Variants in XPR1 observed in about 807,000 individuals in gnomAD.
XPR1 encodes xenotropic and polytropic retrovirus receptor 1, also known as solute carrier family 53 member 1.
XPR1 carries 28 observed loss-of-function variants against 87.5 expected under a neutral mutation model. The ratio of observed to expected loss-of-function variants is 0.32; its 90% confidence interval spans 0.24 to 0.44. XPR1 has a LOEUF of 0.44. Among genes scored for constraint, XPR1 ranks in the 20% least tolerant of loss-of-function variants. The pLI is 1.00. For synonymous variants in XPR1, 300 were observed against 306.1 expected (o/e 0.98, Z 0.21); for missense variants, 559 against 862.3 (o/e 0.65, Z 4.41).
chr1:180,814,547 A>T (rs1202723843), intron 7 of XPR1, among the ~76,000 whole-genome samples: 1 of 152,186 alleles, frequency 6.6e-6, no homozygotes, highest in Non-Finnish European at 1.5e-5. Flanking sequence ...AAATGAGCTT[A>T]ACACCTTAAA....
intron 1 of XPR1, among the ~76,000 whole-genome samples, chr1:180,681,666 T>C (rs1409751940): frequency 6.6e-6 from 1 of 152,118 alleles, no homozygotes; most frequent in Non-Finnish European, 1.5e-5. Context: ...AAAATTTCTT[T>C]TTAAAATTTA....
chr1:180,881,747 AACTTT>A (rs1652859424), intron 14 of XPR1, among the ~76,000 whole-genome samples: 1 of 152,346 alleles, frequency 6.6e-6, no homozygotes, highest in East Asian at 1.9e-4. Context: ...GAACCTGCTG[AACTTT>A]AAATAGAGAT....
At chr1:180,657,252 C>A (rs915991291) in intron 1 of XPR1, among the ~76,000 whole-genome samples, 1 of 151,990 alleles carries the variant, frequency 6.6e-6, no homozygotes, top group Non-Finnish European at 1.5e-5. Context: ...GATGTCTCTT[C>A]ATTTTGTTGA....
intron 11 of XPR1, among the ~76,000 whole-genome samples, chr1:180,858,863 C>T (rs893231007): frequency 9.2e-5 from 14 of 152,152 alleles, no homozygotes; most frequent in African/African-American, 3.1e-4. Context: ...CACTAAAGAT[C>T]GGGGAATATC....
At position 180,827,709 on chromosome 1, in the gene XPR1, A is replaced by G. The variant is rs532746219; in HGVS notation, c.1134+2365A>G. 3.3e-5 allele frequency among the ~76,000 whole-genome samples: 5 copies of G among 152,276 alleles called. No individual in the cohort carries two copies. In the South Asian group the frequency reaches 1.0e-3, roughly 32 times the overall value. ...GTTATCATTTGTAGATAATTTTAGT[A>G]TTAATTGACCTGCTGACTTATTTTA... is the stretch of plus-strand genomic sequence containing the variant. On this transcript the variant is annotated intron_variant, in intron 9 of 14. Coordinates refer to ENST00000367590, the MANE Select transcript of XPR1 (RefSeq NM_004736.4).
intron 2 of XPR1, among the ~76,000 whole-genome samples, chr1:180,749,714 A>G (rs965332062): frequency 6.6e-6 from 1 of 151,220 alleles, no homozygotes; most frequent in Non-Finnish European, 1.5e-5. Flanking sequence ...GCATACTACT[A>G]CATCTAGCAC....
intron 2 of XPR1, among the ~76,000 whole-genome samples, chr1:180,703,397 A>G (rs1025871139): frequency 8.5e-5 from 13 of 152,154 alleles, no homozygotes; most frequent in African/African-American, 3.1e-4. Flanking sequence ...GCCTCTGGAT[A>G]ACGCATGCGG....
intron 13 of XPR1, among the ~76,000 whole-genome samples, chr1:180,878,747 C>T (rs189777472): frequency 6.6e-6 from 1 of 152,294 alleles, no homozygotes; most frequent in East Asian, 1.9e-4. Flanking sequence ...ATTTACCTTA[C>T]TTTACTTCCC....
At chr1:180,883,953 GT>G in intron 14 of XPR1, 52 bp from the exon 15 acceptor site, 1 of 1,517,708 alleles carries the variant, frequency 6.6e-7, no homozygotes, top group Non-Finnish European at 9.1e-7. Context: ...CTGTGAAAGT[GT>G]TTATATTTGG....
chr1:180,879,238 T>C (rs1415266619), intron 13 of XPR1, among the ~76,000 whole-genome samples: 2 of 152,240 alleles, frequency 1.3e-5, no homozygotes, highest in Non-Finnish European at 2.9e-5. Flanking sequence ...ATCTCTTTTC[T>C]GGACTGCTGC....
intron 2 of XPR1, among the ~76,000 whole-genome samples, chr1:180,779,175 G>C (rs1648841957): frequency 6.6e-6 from 1 of 151,772 alleles, no homozygotes; most frequent in Non-Finnish European, 1.5e-5. Context: ...TTCTTACTCT[G>C]CCAGAAAGGA....
intron 7 of XPR1, among the ~76,000 whole-genome samples, chr1:180,816,313 C>T (rs1434591054): frequency 6.6e-6 from 1 of 152,192 alleles, no homozygotes; most frequent in Non-Finnish European, 1.5e-5. Context: ...GTTCGTTCTC[C>T]TCTGAGAATC....
At chr1:180,829,110 C>T (rs780226535) in intron 9 of XPR1, among the ~76,000 whole-genome samples, 23 of 152,054 alleles carry the variant, frequency 1.5e-4, no homozygotes, top group Admixed American at 7.9e-4. Flanking sequence ...GGAGGAGGAT[C>T]GCTTGAGTCC....
chr1:180,811,232 A>G (rs1650200331), intron 6 of XPR1, among the ~76,000 whole-genome samples, 175 bp from the exon 7 acceptor site: 1 of 152,278 alleles, frequency 6.6e-6, no homozygotes, highest in African/African-American at 2.4e-5. Flanking sequence ...GGCAACTTGA[A>G]TAGTATTATA....
At chr1:180,684,505 T>G (rs1257229722) in intron 2 of XPR1, among the ~76,000 whole-genome samples, 7 of 136,504 alleles carry the variant, frequency 5.1e-5, no homozygotes, top group Admixed American at 2.8e-4. Flanking sequence ...TTTAAAGTAG[T>G]TTTTTCCAAT....
rs1652970860 is a variant in XPR1 at position 180,885,069 on chromosome 1, T to TA, written c.*1004dup. On this transcript the variant is annotated 3_prime_UTR_variant, in exon 15 of 15. Transcript: ENST00000367590. The stretch of plus-strand genomic sequence containing the variant: ...CTTAACAGCTGAAGCTATGCCTTAT[T>TA]ATGCATCCACATGTATGGTCCCTGT... The TA allele has an allele frequency of 6.6e-6, 1 of 152,628 alleles. No homozygotes were observed. Among genetic ancestry groups the TA allele is most frequent in the South Asian group, 2.1e-4 (1 of 4,836 alleles). 9.5% of individuals were successfully genotyped at this position (152,628 alleles called of 1,614,324 possible). A position where few individuals can be genotyped will look rare whatever the true frequency, so the allele number is the denominator to read the frequency against.
chr1:180,675,411 C>A (rs976925058), intron 1 of XPR1, among the ~76,000 whole-genome samples: 2 of 152,244 alleles, frequency 1.3e-5, no homozygotes, highest in East Asian at 3.9e-4. Flanking sequence ...GATATTTAAC[C>A]TTTTATCTGT....
chr1:180,678,722 A>T (rs760493558), intron 1 of XPR1, among the ~76,000 whole-genome samples: 1 of 152,318 alleles, frequency 6.6e-6, no homozygotes, highest in Admixed American at 6.5e-5. Flanking sequence ...TTTTTACTGT[A>T]TATTATTAGG....
rs1655307119 is a variant in XPR1 at position 180,651,981 on chromosome 1, G to A, written c.69+19711G>A. Among the ~76,000 whole-genome samples the A allele has an allele frequency of 3.3e-5, 5 of 152,142 alleles. No homozygotes were observed. The South Asian group carries it at 1.0e-3, about 32-fold the overall frequency. On this transcript the variant is annotated intron_variant, in intron 1 of 14. Transcript: ENST00000367590. ...CAAACATGTTTTGAACTGTACTGGA[G>A]CCTGTGGCCTATAAAAGTTGAAGTG...
Sources: allele counts gnomAD v4.1 joint callset (sites outside exome capture counted in the v4.1 genomes callset), GRCh38; gene constraint gnomAD v4.1.1; transcripts MANE v1.5; gene names NCBI Gene and HGNC (gene_info 2026-07-23, HGNC 2026-07-21).